COL4A6: variants seen among roughly 807,000 people sequenced by gnomAD.
COL4A6 encodes collagen alpha-6(IV) chain.
In COL4A6, 59 loss-of-function variants were observed where a neutral mutation model predicts 126.7. The observed-to-expected ratio is 0.47, with a 90% CI of 0.38 to 0.58. The LOEUF (loss-of-function observed/expected upper bound fraction) is 0.58. Among genes scored for constraint, COL4A6 ranks in the 20% least tolerant of loss-of-function variants. COL4A6 has a pLI of 0.00. For missense variants in COL4A6, 1,285 were observed against 1,337.3 expected (o/e 0.96, Z 0.61); for synonymous variants, 547 against 496.6 (o/e 1.10, Z -1.35).
At chrX:108,269,118 C>A (rs777628472) in intron 3 of COL4A6, 1 of 338,657 alleles carries the variant, frequency 3.0e-6, no homozygotes, top group Non-Finnish European at 5.7e-6. Context: ...ATGGTAGAGC[C>A]GGCCAGCCAT....
At chrX:108,431,322 T>C (rs933122475) in intron 2 of COL4A6, among the ~76,000 whole-genome samples, 1 of 112,122 alleles carries the variant, frequency 8.9e-6, no homozygotes, top group African/African-American at 3.2e-5. Context: ...CTGAATGCTA[T>C]AATCCCAAAT....
chrX:108,271,935 C>T (rs1374952174), intron 3 of COL4A6, among the ~76,000 whole-genome samples: 2 of 112,159 alleles, frequency 1.8e-5, no homozygotes, highest in Non-Finnish European at 3.8e-5. Context: ...CAGCTGCCTT[C>T]GGGTATACAC....
At chrX:108,435,606 A>C (rs2147417180) in intron 2 of COL4A6, among the ~76,000 whole-genome samples, 1 of 112,095 alleles carries the variant, frequency 8.9e-6, no homozygotes, top group African/African-American at 3.2e-5. Flanking sequence ...TTGTGCAAAT[A>C]TTTCACCTGA....
At chrX:108,253,765 T>C (rs1390892653) in intron 3 of COL4A6, among the ~76,000 whole-genome samples, 1 of 111,911 alleles carries the variant, frequency 8.9e-6, no homozygotes, top group Non-Finnish European at 1.9e-5. Context: ...TAACCCCTAG[T>C]TCTTTCCTAA....
chrX:108,403,107 G>A (rs756511358), intron 2 of COL4A6, among the ~76,000 whole-genome samples: 6 of 110,172 alleles, frequency 5.4e-5, no homozygotes, highest in African/African-American at 2.0e-4. Flanking sequence ...ATTCCATTTC[G>A]ATCGGTAAGT....
intron 3 of COL4A6, among the ~76,000 whole-genome samples, chrX:108,302,371 A>G (rs2038511949): frequency 1.8e-5 from 2 of 111,530 alleles, no homozygotes; most frequent in South Asian, 3.7e-4. Flanking sequence ...ACATAAATCC[A>G]TATTTCATAT....
intron 13 of COL4A6, among the ~76,000 whole-genome samples, chrX:108,201,440 A>G (rs772822699): frequency 1.8e-5 from 2 of 112,159 alleles, no homozygotes; most frequent in East Asian, 5.6e-4. Context: ...CCTATAAGAC[A>G]ATCAAAAATT....
chrX:108,266,177 C>A (rs1326707923), intron 3 of COL4A6, among the ~76,000 whole-genome samples: 1 of 111,346 alleles, frequency 9.0e-6, no homozygotes, highest in Non-Finnish European at 1.9e-5. Flanking sequence ...GAAGATAGAG[C>A]ATGAGGGAAG....
intron 2 of COL4A6, among the ~76,000 whole-genome samples, chrX:108,382,072 G>A (rs763715510): frequency 1.8e-5 from 2 of 111,471 alleles, no homozygotes; most frequent in East Asian, 5.6e-4. Context: ...TATCTTCACT[G>A]GTATCTCAGT....
chrX:108,164,339 C>T (rs1453023727), intron 40 of COL4A6, among the ~76,000 whole-genome samples: 1 of 111,301 alleles, frequency 9.0e-6, no homozygotes, highest in African/African-American at 3.3e-5. Context: ...AAACCCAATG[C>T]CCACTAATGC....
intron 2 of COL4A6, among the ~76,000 whole-genome samples, chrX:108,317,083 C>T (rs1487314734): frequency 1.8e-5 from 2 of 112,255 alleles, no homozygotes; most frequent in Non-Finnish European, 3.8e-5. Context: ...GAGGCTGTTG[C>T]GGTAGTTCAG....
chrX:108,189,715 G>A (rs1267932932), intron 20 of COL4A6, among the ~76,000 whole-genome samples: 1 of 112,323 alleles, frequency 8.9e-6, no homozygotes, highest in Admixed American at 9.4e-5. Context: ...CTTAGGTAAT[G>A]ACATTTTATG....
Position 108,251,528 on chromosome X carries a change from A to G in COL4A6, c.145-30154T>C, listed in dbSNP as rs759675153. 1.4e-4 allele frequency among the ~76,000 whole-genome samples: 16 copies of G among 111,770 alleles called. 1 individual carries two copies. Among genetic ancestry groups the G allele is most frequent in the Admixed American group, 9.5e-5 (1 of 10,511 alleles). On this transcript the variant is annotated intron_variant, in intron 3 of 44. Transcript: ENST00000334504. ...CTAATCGTATATGTTAACTTCTTTC[A>G]TAGTACTTATCATAATTTTAAATTA...
intron 3 of COL4A6, among the ~76,000 whole-genome samples, chrX:108,222,030 T>A (rs1314717825): frequency 8.9e-6 from 1 of 112,790 alleles, no homozygotes; most frequent in East Asian, 2.8e-4. Context: ...CTGTAAAGTG[T>A]TGAATGTGTA....
At chrX:108,240,862 C>T (rs748713324) in intron 3 of COL4A6, among the ~76,000 whole-genome samples, 1 of 112,123 alleles carries the variant, frequency 8.9e-6, no homozygotes, top group East Asian at 2.8e-4. Context: ...TATGGTTTTG[C>T]ATTTTGAATC....
intron 2 of COL4A6, among the ~76,000 whole-genome samples, chrX:108,357,770 G>A (rs948526734): frequency 9.1e-6 from 1 of 109,657 alleles, no homozygotes; most frequent in African/African-American, 3.3e-5. Context: ...CCTTCTCTTG[G>A]ATAACTCCAA....
At chrX:108,232,566 A>C (rs975802070) in intron 3 of COL4A6, among the ~76,000 whole-genome samples, 1 of 112,106 alleles carries the variant, frequency 8.9e-6, no homozygotes, top group African/African-American at 3.2e-5. Flanking sequence ...ACTTAATTTG[A>C]GAATGATTTT....
At chrX:108,431,876 C>T (rs755643672) in intron 2 of COL4A6, among the ~76,000 whole-genome samples, 3 of 112,068 alleles carry the variant, frequency 2.7e-5, no homozygotes, top group Non-Finnish European at 5.6e-5. Flanking sequence ...TTGCGTTGGA[C>T]ATCAGAAATT....
chrX:108,304,577 G>A (rs2038578022), intron 3 of COL4A6, among the ~76,000 whole-genome samples: 1 of 111,985 alleles, frequency 8.9e-6, no homozygotes. Flanking sequence ...CACAAAGAAA[G>A]TTAGGGATTA....
Sources: gnomAD v4.1 joint callset for allele counts (sites outside exome capture counted in the v4.1 genomes callset) on GRCh38, gnomAD v4.1.1 for gene constraint, MANE v1.5 for transcripts, NCBI Gene and HGNC (gene_info 2026-07-23, HGNC 2026-07-21) for gene names.